Variants in ARHGAP26 observed in about 807,000 individuals in gnomAD.
ARHGAP26 encodes the protein rho GTPase-activating protein 26.
In ARHGAP26, 38 loss-of-function variants were observed where a neutral mutation model predicts 104.8. The observed-to-expected ratio is 0.36, with a 90% CI of 0.28 to 0.48. ARHGAP26 has a LOEUF of 0.48. Ranked by LOEUF, ARHGAP26 falls within the 20% of genes least tolerant of loss-of-function variation. The pLI, the probability that ARHGAP26 is intolerant of heterozygous loss-of-function variation, is 0.99. For missense variants in ARHGAP26, 704 were observed against 947.9 expected (o/e 0.74, Z 3.38); for synonymous variants, 341 against 340.0 (o/e 1.00, Z -0.03).
At chr5:143,134,161 G>GGCGAC in intron 19 of ARHGAP26, 56 bp downstream of exon 19, 1 of 1,549,032 alleles carries the variant, frequency 6.5e-7, no homozygotes, top group Non-Finnish European at 8.7e-7. Context: ...CATGCTACCT[G>GGCGAC]CACGGCTCAG....
chr5:142,910,039 A>C (rs1761622609), intron 9 of ARHGAP26, among the ~76,000 whole-genome samples: 2 of 152,184 alleles, frequency 1.3e-5, no homozygotes, highest in Non-Finnish European at 2.9e-5. Context: ...AGTATATAAA[A>C]ATTTTTTGGA....
intron 1 of ARHGAP26, among the ~76,000 whole-genome samples, chr5:142,813,803 T>C (rs1764592770): frequency 1.3e-5 from 2 of 152,172 alleles, no homozygotes; most frequent in Non-Finnish European, 2.9e-5. Context: ...TGAGGTACTG[T>C]GAATGAGGAC....
chr5:142,914,415 A>C (rs1291479291), intron 10 of ARHGAP26, among the ~76,000 whole-genome samples: 4 of 152,272 alleles, frequency 2.6e-5, no homozygotes, highest in Non-Finnish European at 5.9e-5. Flanking sequence ...TAGCCATGTG[A>C]CTTTGAGCAA....
chr5:142,915,353 C>CTTT lies in ARHGAP26; in HGVS notation c.1028+2074_1028+2076dup, dbSNP rs1302839708. ...TTCAGTTGAGGGGGCTGAATCTCCT[C>CTTT]TTTTTTTTTTTTTTTTCTTTTTTGA... On this transcript the variant is annotated intron_variant, in intron 10 of 22. Coordinates refer to ENST00000645722, the MANE Select transcript of ARHGAP26 (RefSeq NM_001135608.3). 4.5e-4 allele frequency among the ~76,000 whole-genome samples: 62 copies of CTTT among 139,178 alleles called. No individual in the cohort carries two copies. The East Asian group carries it at 8.9e-3, about 20-fold the overall frequency. The allele number at this position is 139,178 out of a possible 152,430, so 91.3% of individuals were successfully genotyped here.
chr5:143,193,292 G>T (rs1806246203), intron 20 of ARHGAP26, among the ~76,000 whole-genome samples: 1 of 134,152 alleles, frequency 7.5e-6, no homozygotes, highest in Non-Finnish European at 1.5e-5. Flanking sequence ...CTGTCACCCA[G>T]GCTGGAGTGC....
chr5:142,997,943 A>G (rs1243655782), intron 11 of ARHGAP26, among the ~76,000 whole-genome samples: 6 of 152,220 alleles, frequency 3.9e-5, no homozygotes, highest in East Asian at 1.9e-4. Flanking sequence ...AGTGAAAACA[A>G]TTCAGCAGCA....
At chr5:142,978,951 T>C (rs185164436) in intron 11 of ARHGAP26, among the ~76,000 whole-genome samples, 18 of 152,116 alleles carry the variant, frequency 1.2e-4, no homozygotes, top group Non-Finnish European at 4.4e-5. Context: ...AATGCTAGGG[T>C]AAAGGAAAAA....
intron 17 of ARHGAP26, among the ~76,000 whole-genome samples, chr5:143,120,539 A>G (rs1796011767): frequency 6.6e-6 from 1 of 152,182 alleles, no homozygotes; most frequent in Non-Finnish European, 1.5e-5. Context: ...AATTATGTCT[A>G]TTTAATGCTT....
At chr5:142,812,594 T>C (rs1338673641) in intron 1 of ARHGAP26, among the ~76,000 whole-genome samples, 2 of 152,132 alleles carry the variant, frequency 1.3e-5, no homozygotes, top group Non-Finnish European at 1.5e-5. Context: ...TGCCTCGGCC[T>C]CCCAAAGTCC....
intron 18 of ARHGAP26, among the ~76,000 whole-genome samples, chr5:143,130,505 TC>T (rs1267522551): frequency 6.6e-6 from 1 of 152,194 alleles, no homozygotes; most frequent in Non-Finnish European, 1.5e-5. Context: ...GCTCCATAAA[TC>T]CATGGCTCAT....
chr5:142,812,941 C>CTTT (rs34704039), intron 1 of ARHGAP26, among the ~76,000 whole-genome samples: 1 of 138,158 alleles, frequency 7.2e-6, no homozygotes, highest in Non-Finnish European at 1.6e-5. Context: ...TTTTTTCTTT[C>CTTT]TTTTTTTTTT....
At chr5:143,202,264 T>C (rs550202802) in intron 20 of ARHGAP26, 14 of 146,520 alleles carry the variant, frequency 9.6e-5, no homozygotes, top group African/African-American at 3.2e-4. Context: ...CAACCCCTGC[T>C]TTTTTTTTTT....
intron 20 of ARHGAP26, among the ~76,000 whole-genome samples, chr5:143,157,850 C>G (rs1163952827): frequency 1.3e-5 from 2 of 152,136 alleles, no homozygotes; most frequent in African/African-American, 2.4e-5. Flanking sequence ...CAGGGCAAAG[C>G]CTGTGTGGCC....
chr5:142,997,372 C>G (rs1159759839), intron 11 of ARHGAP26, among the ~76,000 whole-genome samples: 1 of 152,084 alleles, frequency 6.6e-6, no homozygotes, highest in African/African-American at 2.4e-5. Flanking sequence ...CTTGTTTCAG[C>G]TGTCATACTG....
At chr5:143,054,152 G>T (rs76922282) in intron 14 of ARHGAP26, among the ~76,000 whole-genome samples, 1 of 152,136 alleles carries the variant, frequency 6.6e-6, no homozygotes, top group African/African-American at 2.4e-5. Context: ...GGGTATAAAC[G>T]TTTTTAAGAC....
chr5:143,139,301 T>C (rs1414284017), intron 19 of ARHGAP26, among the ~76,000 whole-genome samples: 2 of 152,196 alleles, frequency 1.3e-5, no homozygotes, highest in Non-Finnish European at 2.9e-5. Flanking sequence ...GTGAGGTAGG[T>C]TCTTATATCC....
intron 17 of ARHGAP26, among the ~76,000 whole-genome samples, chr5:143,093,972 T>C (rs1791872271): frequency 6.6e-6 from 1 of 152,214 alleles, no homozygotes; most frequent in African/African-American, 2.4e-5. Context: ...TCTCACCTCT[T>C]GTTGAAGTTC....
Position 143,200,765 on chromosome 5 carries a change from G to A in ARHGAP26, c.1989-6433G>A, listed in dbSNP as rs777030159. Among the ~76,000 whole-genome samples the A allele has an allele frequency of 5.3e-5, 8 of 152,080 alleles. No individual in the cohort carries two copies. The South Asian group carries it at 1.0e-3, about 20-fold the overall frequency. ...TTTTGAAAGATTAACTTTCTTCTTC[G>A]TGGTCAGCTTACTCCTCCAGTTACA... On this transcript the variant is annotated intron_variant, in intron 20 of 22. Transcript: ENST00000645722.
chr5:143,061,567 G>A (rs932370624), intron 17 of ARHGAP26, among the ~76,000 whole-genome samples: 2 of 152,168 alleles, frequency 1.3e-5, no homozygotes, highest in Non-Finnish European at 2.9e-5. Context: ...CAGGGGCATT[G>A]GAGAGGCAGA....
Sources: allele counts gnomAD v4.1 joint callset (sites outside exome capture counted in the v4.1 genomes callset), GRCh38; gene constraint gnomAD v4.1.1; transcripts MANE v1.5; gene names NCBI Gene and HGNC (gene_info 2026-07-23, HGNC 2026-07-21).